GPC6: variants seen among roughly 807,000 people sequenced by gnomAD.
GPC6 encodes glypican-6.
Under a neutral mutation model 55.2 loss-of-function variants are expected in GPC6, and 14 were observed. The ratio of observed to expected loss-of-function variants is 0.25; its 90% CI spans 0.17 to 0.40. GPC6 has a LOEUF of 0.40. Ranked by LOEUF, GPC6 falls within the 10% of genes least tolerant of loss-of-function variation. The pLI is 1.00. For synonymous variants in GPC6, 278 were observed against 259.6 expected (o/e 1.07, Z -0.68); for missense variants, 641 against 708.5 (o/e 0.90, Z 1.08).
chr13:94,311,543 G>A (rs1403291233), intron 6 of GPC6, among the ~76,000 whole-genome samples: 2 of 152,110 alleles, frequency 1.3e-5, no homozygotes, highest in African/African-American at 4.8e-5. Flanking sequence ...CTCACCTGAG[G>A]GGCACATACT....
intron 6 of GPC6, among the ~76,000 whole-genome samples, chr13:94,325,281 G>T (rs1298861139): frequency 6.6e-6 from 1 of 152,192 alleles, no homozygotes; most frequent in Non-Finnish European, 1.5e-5. Context: ...GCCTGGAGAA[G>T]AACGCGGCTC....
intron 5 of GPC6, among the ~76,000 whole-genome samples, chr13:94,303,142 G>A (rs1875749140): frequency 6.6e-6 from 1 of 152,248 alleles, no homozygotes; most frequent in Admixed American, 6.5e-5. Context: ...CAGACCAGAA[G>A]AGTGTGCAGT....
chr13:94,056,217 CT>C (rs554422095), intron 4 of GPC6, among the ~76,000 whole-genome samples: 1 of 152,226 alleles, frequency 6.6e-6, no homozygotes, highest in African/African-American at 2.4e-5. Context: ...TCTCTAACCC[CT>C]TTTTTTATTA....
intron 4 of GPC6, among the ~76,000 whole-genome samples, chr13:94,216,647 G>A (rs146020705): frequency 0.012 from 1,820 of 152,128 alleles, 18 homozygotes; most frequent in Non-Finnish European, 0.019. Flanking sequence ...TCACTTCCAC[G>A]TCTTCTGTTC....
At chr13:93,694,010 T>C (rs761183328) in intron 2 of GPC6, among the ~76,000 whole-genome samples, 4 of 152,228 alleles carry the variant, frequency 2.6e-5, no homozygotes, top group Non-Finnish European at 5.9e-5. Flanking sequence ...GTTAAAACTC[T>C]ATACAACTCT....
chr13:93,547,723 G>T (rs1310770667), intron 2 of GPC6, among the ~76,000 whole-genome samples: 3 of 149,446 alleles, frequency 2.0e-5, no homozygotes, highest in Admixed American at 6.6e-5. Flanking sequence ...AGCCAGAGTG[G>T]GAAAAAAAAA....
At chr13:93,331,473 T>C (rs1309113195) in intron 1 of GPC6, among the ~76,000 whole-genome samples, 1 of 152,214 alleles carries the variant, frequency 6.6e-6, no homozygotes, top group Non-Finnish European at 1.5e-5. Flanking sequence ...GCTATGGATA[T>C]AGTTTACCTG....
intron 3 of GPC6, among the ~76,000 whole-genome samples, chr13:94,006,698 C>T (rs546792116): frequency 2.5e-4 from 38 of 152,184 alleles, no homozygotes; most frequent in African/African-American, 8.7e-4. Flanking sequence ...ATTTTCTAGG[C>T]GCCACCAACT....
chr13:94,099,592 A>G (rs1026332210), intron 4 of GPC6, among the ~76,000 whole-genome samples: 2 of 152,164 alleles, frequency 1.3e-5, no homozygotes. Flanking sequence ...GTTTTTTATT[A>G]AAAGGTAAAG....
At chr13:93,821,197 T>C (rs1258053711) in intron 2 of GPC6, among the ~76,000 whole-genome samples, 2 of 152,170 alleles carry the variant, frequency 1.3e-5, no homozygotes, top group Non-Finnish European at 2.9e-5. Context: ...TTGTTGTTGG[T>C]TTTTTTCTTT....
intron 4 of GPC6, among the ~76,000 whole-genome samples, chr13:94,035,753 C>T (rs1225791288): frequency 1.3e-5 from 2 of 151,928 alleles, no homozygotes; most frequent in Non-Finnish European, 2.9e-5. Flanking sequence ...TAAATGATGG[C>T]ACTTAGACTT....
At chr13:93,382,694 A>G (rs985497949) in intron 1 of GPC6, among the ~76,000 whole-genome samples, 1 of 152,222 alleles carries the variant, frequency 6.6e-6, no homozygotes, top group Admixed American at 6.5e-5. Context: ...AATTGACATT[A>G]TGCCATTACT....
chr13:93,413,870 G>A (rs747274847), intron 1 of GPC6, among the ~76,000 whole-genome samples: 4 of 152,278 alleles, frequency 2.6e-5, no homozygotes, highest in Middle Eastern at 3.4e-3. Context: ...GGGGGAAAAT[G>A]CCCCTTGGCA....
intron 1 of GPC6, among the ~76,000 whole-genome samples, chr13:93,310,786 C>T (rs1265577710): frequency 6.6e-6 from 1 of 152,154 alleles, no homozygotes; most frequent in Non-Finnish European, 1.5e-5. Context: ...TGTAACTAAT[C>T]ATAATATGAT....
chr13:94,297,551 C>T (rs1474792629), intron 5 of GPC6, among the ~76,000 whole-genome samples: 5 of 152,092 alleles, frequency 3.3e-5, no homozygotes, highest in African/African-American at 4.8e-5. Flanking sequence ...CTGAGAAATG[C>T]AAATCCTTCA....
rs930411934 is a variant in GPC6, at chr13:94,034,581, G to A, written c.877+6687G>A. Among the ~76,000 whole-genome samples, 9 of 152,058 alleles carry A rather than the reference G, an allele frequency of 5.9e-5. No individual in the cohort carries two copies. In the South Asian group the frequency reaches 1.9e-3, roughly 32 times the overall value. On this transcript the variant is annotated intron_variant, in intron 4 of 8. Transcript: ENST00000377047. ...GGCAACATACATCAGACCTAAAATT[G>A]CTGGATACAATAGGCAAGTCGTCAT... is the stretch of plus-strand genomic sequence containing the variant.
chr13:93,499,999 A>T (rs951548423), intron 1 of GPC6, among the ~76,000 whole-genome samples: 1 of 152,172 alleles, frequency 6.6e-6, no homozygotes, highest in Admixed American at 6.5e-5. Flanking sequence ...TTCAAGGCTC[A>T]CTTGGCCCGT....
intron 6 of GPC6, among the ~76,000 whole-genome samples, chr13:94,361,650 T>TA: frequency 6.6e-6 from 1 of 152,366 alleles, no homozygotes; most frequent in Middle Eastern, 3.4e-3. Context: ...CTTTGGCCAA[T>TA]AACAAGAATC....
chr13:93,791,048 C>T (rs1033563158), intron 2 of GPC6, among the ~76,000 whole-genome samples: 2 of 152,172 alleles, frequency 1.3e-5, no homozygotes, highest in African/African-American at 2.4e-5. Flanking sequence ...GTTCCCCCTA[C>T]CCCACCTACC....
Sources: gnomAD v4.1 joint callset for allele counts (sites outside exome capture counted in the v4.1 genomes callset) on GRCh38, gnomAD v4.1.1 for gene constraint, MANE v1.5 for transcripts, NCBI Gene and HGNC (gene_info 2026-07-23, HGNC 2026-07-21) for gene names.